The following SAXO1 variants were observed in gnomAD, a reference collection of about 807,000 sequenced individuals.
SAXO1 encodes the protein 4930500O09Rik.
SAXO1 carries 21 observed loss-of-function variants against 17.5 expected under a neutral mutation model. That is an observed-to-expected ratio of 1.20 (90% CI 0.85 to 1.72). The LOEUF (loss-of-function observed/expected upper bound fraction) is 1.72, where lower values mean the gene tolerates loss of function less well. SAXO1 is among the 40% of genes most tolerant of loss of function. The probability of loss-of-function intolerance (pLI) is 0.00; values close to 1 mark genes in which losing one functional copy is unlikely to be tolerated. For synonymous variants in SAXO1, 274 were observed against 216.5 expected (o/e 1.27, Z -2.33); for missense variants, 843 against 596.0 (o/e 1.41, Z -4.32).
intron 1 of SAXO1, among the ~76,000 whole-genome samples, chr9:18,968,467 G>C (rs867931083): frequency 6.6e-6 from 1 of 152,128 alleles, no homozygotes; most frequent in South Asian, 2.1e-4. Context: ...TCTTAAGTTT[G>C]TTATACACTT....
At chr9:19,020,500 C>T (rs896069033) in intron 1 of SAXO1, among the ~76,000 whole-genome samples, 1 of 152,206 alleles carries the variant, frequency 6.6e-6, no homozygotes, top group East Asian at 1.9e-4. Context: ...TACAGGCACG[C>T]ACCACCATAA....
At chr9:18,983,696 C>T (rs1460426079) in intron 1 of SAXO1, among the ~76,000 whole-genome samples, 3 of 152,188 alleles carry the variant, frequency 2.0e-5, no homozygotes, top group Non-Finnish European at 2.9e-5. Flanking sequence ...GCAGTGACTT[C>T]CTCTACTGAG....
intron 1 of SAXO1, among the ~76,000 whole-genome samples, chr9:19,043,343 T>C (rs1430676283): frequency 2.0e-5 from 3 of 151,920 alleles, no homozygotes; most frequent in African/African-American, 7.3e-5. Context: ...GAGCTGAAAA[T>C]TAAAACAATT....
Position 18,963,391 on chromosome 9 carries a change from G to A in SAXO1, c.39-12454C>T, listed in dbSNP as rs747660620. On this transcript the variant is annotated intron_variant, in intron 1 of 3. Coordinates refer to ENST00000380534, the MANE Select transcript of SAXO1 (RefSeq NM_153707.4). Reference sequence around the variant, plus strand: ...TAGCATTGATTCTATAAATTACTTTGGGCAGTATGGCCATTTGTATGATAC... The same window carrying A: ...TAGCATTGATTCTATAAATTACTTTAGGCAGTATGGCCATTTGTATGATAC... 2.5e-4 allele frequency among the ~76,000 whole-genome samples: 38 copies of A among 149,930 alleles called. 1 individual carries two copies. Among genetic ancestry groups the A allele is most frequent in the Non-Finnish European group, 5.9e-5 (4 of 67,652 alleles).
intron 1 of SAXO1, among the ~76,000 whole-genome samples, chr9:18,958,121 A>C (rs1391372612): frequency 2.0e-5 from 3 of 152,170 alleles, no homozygotes; most frequent in African/African-American, 7.2e-5. Flanking sequence ...TGAAATGATC[A>C]GGGATCATAA....
At chr9:19,005,549 A>G (rs2130971173) in intron 1 of SAXO1, among the ~76,000 whole-genome samples, 1 of 152,342 alleles carries the variant, frequency 6.6e-6, no homozygotes, top group African/African-American at 2.4e-5. Flanking sequence ...TTTTTAACAA[A>G]TGGCACAGGA....
At chr9:18,956,993 G>C (rs1563942667) in intron 1 of SAXO1, among the ~76,000 whole-genome samples, 1 of 152,206 alleles carries the variant, frequency 6.6e-6, no homozygotes, top group Admixed American at 6.5e-5. Flanking sequence ...CAAAGCCTAT[G>C]CTTTTAAATC....
At chr9:18,951,040 G>A (rs1221068929) in intron 1 of SAXO1, 103 bp from the exon 2 acceptor site, 2 of 1,173,030 alleles carry the variant, frequency 1.7e-6, no homozygotes, top group African/African-American at 1.5e-5. Flanking sequence ...AAAATCATGT[G>A]ACTGCCAACA....
At chr9:18,970,078 C>G (rs1004252731) in intron 1 of SAXO1, among the ~76,000 whole-genome samples, 1 of 152,178 alleles carries the variant, frequency 6.6e-6, no homozygotes, top group African/African-American at 2.4e-5. Context: ...CCTTACTAAG[C>G]TTGCAAGTGG....
rs759211880 is a variant in SAXO1 at position 18,928,003 on chromosome 9, G to C, written c.*49C>G. ...TTTGTCCAACAAATAATTCTCAGTTGTCTGCTTTTAAAAGTACTGTGTAAT... is the reference window on the plus strand; with the variant it reads ...TTTGTCCAACAAATAATTCTCAGTTCTCTGCTTTTAAAAGTACTGTGTAAT... On this transcript the variant is annotated 3_prime_UTR_variant, in exon 4 of 4. Transcript: ENST00000380534. The C allele has an allele frequency of 6.9e-7, 1 of 1,453,848 alleles. No individual in the cohort carries two copies. Among genetic ancestry groups the C allele is most frequent in the Non-Finnish European group, 9.1e-7 (1 of 1,095,494 alleles). 90.1% of individuals were successfully genotyped at this position (1,453,848 alleles called of 1,614,324 possible).
In SAXO1 at chr9:18,954,166, G is replaced by C. The variant is rs894453285; in HGVS notation, c.39-3229C>G. 1.3e-4 allele frequency among the ~76,000 whole-genome samples: 20 copies of C among 152,280 alleles called. No homozygotes were observed. In the East Asian group the frequency reaches 3.5e-3, roughly 26 times the overall value. ...AGAACTCTCTAGTCTTTCCACTCCA[G>C]AATTCACAATTCCCAGGGGTAAAAG... On this transcript the variant is annotated intron_variant, in intron 1 of 3. Transcript: ENST00000380534.
upstream of SAXO1, among the ~76,000 whole-genome samples, chr9:19,033,799 C>T (rs1299690694): frequency 1.3e-5 from 2 of 152,180 alleles, no homozygotes; most frequent in Admixed American, 1.3e-4. Context: ...TTGCCAGACC[C>T]CACCCCCAGT....
At chr9:18,948,908 G>A (rs981424224) in intron 2 of SAXO1, among the ~76,000 whole-genome samples, 1 of 152,080 alleles carries the variant, frequency 6.6e-6, no homozygotes, top group Admixed American at 6.6e-5. Flanking sequence ...CCTGGAGACC[G>A]AACAAGATAT....
chr9:19,033,396 T>C (rs772499204), upstream of SAXO1: 9 of 156,798 alleles, frequency 5.7e-5, no homozygotes, highest in Non-Finnish European at 1.1e-4. Flanking sequence ...CTGAAAAAGG[T>C]GGAAGTCACT....
At chr9:18,933,285 T>A (rs1199533965) in intron 3 of SAXO1, among the ~76,000 whole-genome samples, 1 of 152,216 alleles carries the variant, frequency 6.6e-6, no homozygotes, top group Non-Finnish European at 1.5e-5. Context: ...GTGGCTTTTT[T>A]CTGTTACTTT....
chr9:19,042,608 A>C (rs890511504), intron 1 of SAXO1, among the ~76,000 whole-genome samples: 2 of 152,218 alleles, frequency 1.3e-5, no homozygotes, highest in African/African-American at 4.8e-5. Context: ...CACACCTGTA[A>C]TCCCAGCACT....
At chr9:18,978,590 T>C (rs1273206650) in intron 1 of SAXO1, among the ~76,000 whole-genome samples, 1 of 152,246 alleles carries the variant, frequency 6.6e-6, no homozygotes, top group Non-Finnish European at 1.5e-5. Flanking sequence ...AGTCTGCAGC[T>C]GCACTCGCAG....
At chr9:18,933,738 A>G (rs1831153600) in intron 3 of SAXO1, among the ~76,000 whole-genome samples, 1 of 152,184 alleles carries the variant, frequency 6.6e-6, no homozygotes, top group African/African-American at 2.4e-5. Context: ...TCTGAAGAGA[A>G]CTTAGCCATT....
intron 1 of SAXO1, among the ~76,000 whole-genome samples, chr9:19,010,622 T>C (rs77789747): frequency 0.073 from 11,096 of 152,194 alleles, 501 homozygotes; most frequent in African/African-American, 0.12. Context: ...ACTCTTTACT[T>C]GTTTATATAG....
Sources: allele counts gnomAD v4.1 joint callset (sites outside exome capture counted in the v4.1 genomes callset), GRCh38; gene constraint gnomAD v4.1.1; transcripts MANE v1.5; gene names NCBI Gene and HGNC (gene_info 2026-07-23, HGNC 2026-07-21).